ACOX3: variants seen among roughly 807,000 people sequenced by gnomAD.
The protein encoded by ACOX3 is peroxisomal acyl-coenzyme A oxidase 3.
In ACOX3, 73 loss-of-function variants were observed where a neutral mutation model predicts 81.5. That is an observed-to-expected ratio of 0.90 (90% CI 0.74 to 1.09). The LOEUF (loss-of-function observed/expected upper bound fraction) is 1.09, where lower values mean the gene tolerates loss of function less well. Ranked by LOEUF, ACOX3 falls within the 50% of genes least tolerant of loss-of-function variation. The pLI, the probability that ACOX3 is intolerant of heterozygous loss-of-function variation, is 0.00. For missense variants in ACOX3, 947 were observed against 928.0 expected, an observed-to-expected ratio of 1.02 and a Z score of -0.27; for synonymous variants, 387 against 375.1, an observed-to-expected ratio of 1.03 and a Z score of -0.37.
At chr4:8,373,460 A>C in intron 16 of ACOX3, 101 bp downstream of exon 16, 2 of 1,263,098 alleles carry the variant, frequency 1.6e-6, no homozygotes, top group Non-Finnish European at 1.1e-6. Flanking sequence ...GGGTGATACT[A>C]AGGCGGTGCG....
At position 8,419,172 on chromosome 4, in the gene ACOX3, A is replaced by G. The variant is rs1406740340; in HGVS notation, c.-14-2637T>C. 6.6e-6 allele frequency among the ~76,000 whole-genome samples: 1 copy of G among 152,176 alleles called. No individual in the cohort carries two copies. Among genetic ancestry groups the G allele is most frequent in the Non-Finnish European group, 1.5e-5 (1 of 68,024 alleles). On this transcript the variant is annotated intron_variant, in intron 1 of 17. Transcript: ENST00000356406. The surrounding 1 kb of genome is among the most constrained non-coding windows in gnomAD (Gnocchi z 4.2). ...ATAAATAGGCCAGGCGCAGTGGCTCATGCCTGTAATCCCAGCACTTTGGGA... is the reference window on the plus strand; with the variant it reads ...ATAAATAGGCCAGGCGCAGTGGCTCGTGCCTGTAATCCCAGCACTTTGGGA...
intron 14 of ACOX3, among the ~76,000 whole-genome samples, chr4:8,378,670 T>G (rs1037949108): frequency 6.6e-6 from 1 of 152,182 alleles, no homozygotes; most frequent in African/African-American, 2.4e-5. Context: ...ATCTTTTGTA[T>G]CTACTGGCTG....
Position 8,416,680 on chromosome 4 carries a change from G to T in ACOX3, c.-14-145C>A. On this transcript the variant is annotated intron_variant, in intron 1 of 17. Coordinates refer to ENST00000356406, the MANE Select transcript of ACOX3 (RefSeq NM_003501.3). This position sits in a 1 kb window ranked among gnomAD's most constrained non-coding sequence, Gnocchi z 4.2. ...GGATGGCAAAAGAGAATCACTCTGT[G>T]AATGGCTAGCATCATTTTCCCAGAA... 2.1e-6 allele frequency: 2 copies of T among 941,292 alleles called. No individual in the cohort carries two copies. Among genetic ancestry groups the T allele is most frequent in the Non-Finnish European group, 3.0e-6 (2 of 656,618 alleles). 58.3% of individuals were successfully genotyped at this position (941,292 alleles called of 1,614,324 possible).
At chr4:8,355,997 C>A in the ACOX3 span, 14 of 174,816 alleles carry the variant, frequency 8.0e-5, no homozygotes, top group East Asian at 1.8e-3. Flanking sequence ...TTTATGTTCT[C>A]ATCAGGTCGG....
At chr4:8,360,621 G>A in the ACOX3 span, among the ~76,000 whole-genome samples, 2 of 151,882 alleles carry the variant, frequency 1.3e-5, no homozygotes, top group African/African-American at 4.8e-5. Context: ...ACAGGCACCC[G>A]CCACCACGCC....
intron 9 of ACOX3, among the ~76,000 whole-genome samples, chr4:8,395,167 G>A (rs1420362313): frequency 6.6e-6 from 1 of 150,742 alleles, no homozygotes; most frequent in Non-Finnish European, 1.5e-5. Flanking sequence ...GGCCCACACA[G>A]AGCTGGCAGC....
intron 15 of ACOX3, 95 bp from the exon 16 acceptor site, chr4:8,373,723 A>G (rs931983643): frequency 5.1e-6 from 6 of 1,173,560 alleles, no homozygotes; most frequent in Non-Finnish European, 7.4e-6. Context: ...AATCGGCCAT[A>G]TAGGAGGCCT....
Position 8,399,763 on chromosome 4 carries a change from C to G in ACOX3, c.777-111G>C. On this transcript the variant is annotated intron_variant, in intron 7 of 17. Transcript: ENST00000356406. This position sits in a 1 kb window ranked among gnomAD's most constrained non-coding sequence, Gnocchi z 4.9. ...CAATCCCCGAGGACAAAGAAAATGG[C>G]AGAGGGCAAGTAGACAGGAACATTC... 1.1e-6 allele frequency: 1 copy of G among 938,422 alleles called. No homozygotes were observed. Among genetic ancestry groups the G allele is most frequent in the Non-Finnish European group, 1.7e-6 (1 of 601,108 alleles). The allele number at this position is 938,422 out of a possible 1,614,324, so 58.1% of individuals were successfully genotyped here. A position where few individuals can be genotyped will look rare whatever the true frequency, so the allele number is the denominator to read the frequency against.
intron 14 of ACOX3, among the ~76,000 whole-genome samples, chr4:8,378,778 T>G (rs1717286599): frequency 6.6e-6 from 1 of 152,254 alleles, no homozygotes; most frequent in African/African-American, 2.4e-5. Context: ...AAATGGTGGA[T>G]AGCAGTTACT....
At chr4:8,411,345 T>C (rs1177060660) in intron 5 of ACOX3, among the ~76,000 whole-genome samples, 3 of 152,228 alleles carry the variant, frequency 2.0e-5, no homozygotes, top group Non-Finnish European at 4.4e-5. Flanking sequence ...GAGGGCTTCC[T>C]CCTGTCTAAC....
Position 8,373,614 on chromosome 4 carries a change from C to G in ACOX3, c.1843G>C (p.Gly615Arg), listed in dbSNP as rs369045964. 3 of 1,612,802 alleles carry G rather than the reference C, an allele frequency of 1.9e-6. No individual in the cohort carries two copies. The highest frequency in any genetic ancestry group is 2.5e-6 in the Non-Finnish European group (3 of 1,179,438). Reference sequence around the variant, plus strand: ...TCCAACACTTCTCCCGCCTGCTCACCGGAGAAGTATCCTCCTGCAAGCACA... The same window carrying G: ...TCCAACACTTCTCCCGCCTGCTCACGGGAGAAGTATCCTCCTGCAAGCACA... ...ALLYRGGYFSGEQAGEVLESA... is the reference protein window; with the variant it reads ...ALLYRGGYFSREQAGEVLESA... Residue 615 changes from glycine to arginine, a missense_variant, in exon 16 of 18, where the codon GGT becomes CGT. Transcript: ENST00000356406.
At chr4:8,365,697 A>C (rs1304345488), downstream of ACOX3, among the ~76,000 whole-genome samples, 1 of 152,122 alleles carries the variant, frequency 6.6e-6, no homozygotes, top group Non-Finnish European at 1.5e-5. Context: ...ATCATCAAAG[A>C]AGTCACTAAT....
In ACOX3 at chr4:8,405,925, G is replaced by A. The variant is rs748555629; in HGVS notation, c.776+30C>T. ...AACGCAGCCTGGGCCTTGGCAGGAA[G>A]CTCAGGGCTCAGCAGCCTCTGTCAC... On this transcript the variant is annotated intron_variant, in intron 7 of 17. Coordinates refer to ENST00000356406, the MANE Select transcript of ACOX3 (RefSeq NM_003501.3). This position sits in a 1 kb window ranked among gnomAD's most constrained non-coding sequence, Gnocchi z 7.1. The A allele has an allele frequency of 6.2e-7, 1 of 1,601,108 alleles. No individual in the cohort carries two copies. Among genetic ancestry groups the A allele is most frequent in the Non-Finnish European group, 8.6e-7 (1 of 1,168,282 alleles).
At position 8,416,092 on chromosome 4, in the gene ACOX3, A is replaced by G. The variant is rs1722301051; in HGVS notation, c.145-93T>C. The G allele has an allele frequency of 7.7e-6, 10 of 1,301,108 alleles. 1 individual carries two copies. The South Asian group carries it at 1.2e-4, about 15-fold the overall frequency. The allele number at this position is 1,301,108 out of a possible 1,614,324, so 80.6% of individuals were successfully genotyped here. ...AGTTGACCTCCAGGCCACAGGCTTC[A>G]TGGGACACAGTCTGACCCGGAGACA... On this transcript the variant is annotated intron_variant, in intron 2 of 17. Transcript: ENST00000356406. This position sits in a 1 kb window ranked among gnomAD's most constrained non-coding sequence, Gnocchi z 4.2.
chr4:8,385,804 C>G lies in ACOX3; in HGVS notation c.1537+3369G>C, dbSNP rs1718231541. On this transcript the variant is annotated intron_variant, in intron 13 of 17. Coordinates refer to ENST00000356406, the MANE Select transcript of ACOX3 (RefSeq NM_003501.3). The surrounding 1 kb of genome is among the most constrained non-coding windows in gnomAD (Gnocchi z 5.5). ...TTAAACAGCTTTTACCAAAGATCCA[C>G]ATGACGCAGGCTGCAGTCAGCCCTG... 6.6e-6 allele frequency among the ~76,000 whole-genome samples: 1 copy of G among 152,252 alleles called. No individual in the cohort carries two copies. The highest frequency in any genetic ancestry group is 1.5e-5 in the Non-Finnish European group (1 of 68,050).
At position 8,375,037 on chromosome 4, in the gene ACOX3, C is replaced by G. The variant is rs758065310; in HGVS notation, c.1769G>C (p.Arg590Pro). Residue 590 changes from arginine (R) to proline (P), a missense_variant, in exon 15 of 18, where the codon CGG becomes CCG. Transcript: ENST00000356406. Reference protein sequence around the residue: ...VPPSLRAVLGRLSALYALWSL... With the variant: ...VPPSLRAVLGPLSALYALWSL... ...CCACAGGGCGTACAGAGCACTGAGC[C>G]GCCCCAGCACGGCCCGCAGCGAGGG... 2 of 1,554,634 alleles carry G rather than the reference C, an allele frequency of 1.3e-6. No homozygotes were observed. The highest frequency in any genetic ancestry group is 2.7e-5 in the African/African-American group (2 of 73,754).
At chr4:8,372,478 A>G (rs1716335474) in intron 16 of ACOX3, among the ~76,000 whole-genome samples, 1 of 152,130 alleles carries the variant, frequency 6.6e-6, no homozygotes, top group African/African-American at 2.4e-5. Flanking sequence ...GTGCACCTGC[A>G]TACTCTGAAG....
chr4:8,394,233 C>CT lies in ACOX3; in HGVS notation c.1179+386dup, dbSNP rs1719412020. ...CACGCTCGTTTCTGGCACAAATCCT[C>CT]TGACTGTCAACTCAAATCCAGTCAG... On this transcript the variant is annotated intron_variant, in intron 10 of 17. Coordinates refer to ENST00000356406, the MANE Select transcript of ACOX3 (RefSeq NM_003501.3). The surrounding 1 kb of genome is among the most constrained non-coding windows in gnomAD (Gnocchi z 5.9). Among the ~76,000 whole-genome samples the CT allele has an allele frequency of 6.6e-6, 1 of 152,220 alleles. No individual in the cohort carries two copies. Among genetic ancestry groups the CT allele is most frequent in the Non-Finnish European group, 1.5e-5 (1 of 68,048 alleles).
At chr4:8,424,637 G>A (rs892047506) in intron 1 of ACOX3, among the ~76,000 whole-genome samples, 2 of 152,224 alleles carry the variant, frequency 1.3e-5, no homozygotes, top group African/African-American at 4.8e-5. Flanking sequence ...TCAGACAACC[G>A]TTTGCTTAAA....
Sources: allele counts gnomAD v4.1 joint callset (sites outside exome capture counted in the v4.1 genomes callset), GRCh38; gene constraint gnomAD v4.1.1; non-coding constraint Gnocchi (gnomAD v3.1); transcripts MANE v1.5; gene names NCBI Gene and HGNC (gene_info 2026-07-23, HGNC 2026-07-21).